The following CSMD1 variants were observed in gnomAD, a reference collection of about 807,000 sequenced individuals.
The protein encoded by CSMD1 is CUB and Sushi multiple domains 1.
In CSMD1, 213 loss-of-function variants were observed where a neutral mutation model predicts 417.5. The ratio of observed to expected loss-of-function variants is 0.51; its 90% confidence interval spans 0.46 to 0.57. The LOEUF (loss-of-function observed/expected upper bound fraction) is 0.57. Ranked by LOEUF, CSMD1 falls within the 20% of genes least tolerant of loss-of-function variation. The probability of loss-of-function intolerance (pLI) is 0.00; values close to 1 mark genes in which losing one functional copy is unlikely to be tolerated. For missense variants in CSMD1, 6,923 were observed against 4,529.7 expected (o/e 1.53, Z -15.17); for synonymous variants, 2,862 against 1,736.8 (o/e 1.65, Z -16.11).
intron 2 of CSMD1, among the ~76,000 whole-genome samples, chr8:4,455,573 G>A (rs529425643): frequency 1.3e-5 from 2 of 152,168 alleles, no homozygotes; most frequent in East Asian, 3.9e-4. Flanking sequence ...CTGCTTGTGA[G>A]ATCAAATTGA....
intron 11 of CSMD1, among the ~76,000 whole-genome samples, chr8:3,488,086 G>GTATATTATTAT (rs1554440152): frequency 4.0e-5 from 6 of 148,234 alleles, no homozygotes; most frequent in African/African-American, 1.5e-4. Flanking sequence ...GAAACTCATA[G>GTATATTATTAT]TATTATTATT....
intron 2 of CSMD1, among the ~76,000 whole-genome samples, chr8:4,449,350 C>T (rs1480210588): frequency 6.6e-6 from 1 of 152,158 alleles, no homozygotes; most frequent in Admixed American, 6.5e-5. Flanking sequence ...AAGCCTCCCC[C>T]TCTCTTTTTT....
intron 7 of CSMD1, among the ~76,000 whole-genome samples, chr8:3,688,402 T>C (rs565487486): frequency 1.3e-5 from 2 of 152,312 alleles, no homozygotes; most frequent in South Asian, 4.1e-4. Context: ...CAGAGGTGCT[T>C]TGAATTTAGA....
At chr8:4,918,725 A>G (rs1243017821) in intron 1 of CSMD1, among the ~76,000 whole-genome samples, 2 of 152,172 alleles carry the variant, frequency 1.3e-5, no homozygotes, top group Non-Finnish European at 2.9e-5. Context: ...TTCACCAAGA[A>G]CTTTCCAGTA....
At chr8:4,104,993 A>T (rs955718206) in intron 3 of CSMD1, among the ~76,000 whole-genome samples, 7 of 37,624 alleles carry the variant, frequency 1.9e-4, no homozygotes, top group African/African-American at 4.7e-4. Flanking sequence ...GTTTCACATT[A>T]AAAAAAAAGC....
chr8:4,914,628 C>T lies in CSMD1; in HGVS notation c.85+79704G>A, dbSNP rs73507959. Among the ~76,000 whole-genome samples, 440 of 151,310 alleles carry T rather than the reference C, an allele frequency of 2.9e-3. 3 individuals are homozygous for T. Among genetic ancestry groups the T allele is most frequent in the African/African-American group, 0.01 (421 of 41,230 alleles). On this transcript the variant is annotated intron_variant, in intron 1 of 69. Transcript: ENST00000635120. ...ATAGAAGATAGAAATATAACGGTCG[C>T]CTTTAACTTCTGCAAGTTTTGTAGC...
In CSMD1 at chr8:3,137,099, T is replaced by TGG. The variant is rs1280641894; in HGVS notation, c.6241+5364_6241+5365dup. On this transcript the variant is annotated intron_variant, in intron 41 of 69. Coordinates refer to ENST00000635120, the MANE Select transcript of CSMD1 (RefSeq NM_033225.6). The stretch of plus-strand genomic sequence containing the variant: ...ATCTCCAGCCTTTATCATTTCTTTG[T>TGG]GGGGGGAATGTTCAATATCCTCCTG... Among the ~76,000 whole-genome samples, 7 of 152,252 alleles carry TGG rather than the reference T, an allele frequency of 4.6e-5. No individual in the cohort carries two copies. In the South Asian group the frequency reaches 6.2e-4, roughly 14 times the overall value.
At chr8:4,096,601 G>A (rs73173814) in intron 3 of CSMD1, among the ~76,000 whole-genome samples, 8,871 of 152,194 alleles carry the variant, frequency 0.058, 347 homozygotes, top group Middle Eastern at 0.11. Context: ...TTTGTATTGT[G>A]TAATCTGATC....
chr8:3,103,916 T>C (rs1198138352), intron 46 of CSMD1, among the ~76,000 whole-genome samples: 1 of 151,910 alleles, frequency 6.6e-6, no homozygotes, highest in African/African-American at 2.4e-5. Context: ...GCTAATTTTG[T>C]ATTTTCAGTA....
chr8:3,986,801 G>A lies in CSMD1; in HGVS notation c.818+11102C>T, dbSNP rs917151379. On this transcript the variant is annotated intron_variant, in intron 5 of 69. Transcript: ENST00000635120. ...GATGGAGTCTCACCCTGTTGCCCAG[G>A]CTGGAATGCAGTGATGCGATCTCGG... 3.3e-5 allele frequency among the ~76,000 whole-genome samples: 5 copies of A among 151,934 alleles called. No homozygotes were observed. In the South Asian group the frequency reaches 1.0e-3, roughly 32 times the overall value.
intron 3 of CSMD1, among the ~76,000 whole-genome samples, chr8:4,234,284 A>G (rs1585069442): frequency 6.6e-6 from 1 of 152,192 alleles, no homozygotes. Flanking sequence ...GAAGTGATCT[A>G]TGGGACCCAT....
intron 7 of CSMD1, among the ~76,000 whole-genome samples, chr8:3,685,628 C>T (rs1490283122): frequency 6.6e-6 from 1 of 152,120 alleles, no homozygotes; most frequent in Admixed American, 6.5e-5. Context: ...AGTTTCATTT[C>T]TTTGAGACTG....
intron 54 of CSMD1, among the ~76,000 whole-genome samples, chr8:2,989,812 G>C (rs1442248503): frequency 6.6e-6 from 1 of 152,208 alleles, no homozygotes; most frequent in African/African-American, 2.4e-5. Context: ...CATTCTGCAA[G>C]AACAAGTTTT....
At chr8:4,124,019 CT>C (rs905792907) in intron 3 of CSMD1, among the ~76,000 whole-genome samples, 195 of 150,682 alleles carry the variant, frequency 1.3e-3, no homozygotes, top group Middle Eastern at 0.01. Flanking sequence ...GATTATCTAA[CT>C]TTTTTTTTTC....
intron 10 of CSMD1, among the ~76,000 whole-genome samples, chr8:3,526,357 G>C (rs1178537422): frequency 1.3e-5 from 2 of 151,986 alleles, no homozygotes; most frequent in Non-Finnish European, 2.9e-5. Context: ...AATCCCTTTG[G>C]TGTGAGTTGA....
At chr8:4,164,105 G>C (rs116590233) in intron 3 of CSMD1, among the ~76,000 whole-genome samples, 25 of 127,718 alleles carry the variant, frequency 2.0e-4, no homozygotes, top group African/African-American at 6.7e-4. Flanking sequence ...TGTTTTTAAA[G>C]AATACTTTTA....
intron 49 of CSMD1, among the ~76,000 whole-genome samples, chr8:3,060,979 G>T (rs1415548509): frequency 1.3e-5 from 2 of 152,162 alleles, no homozygotes; most frequent in Non-Finnish European, 2.9e-5. Flanking sequence ...GTGAACAATG[G>T]TGTGAAACCA....
chr8:2,979,341 C>G (rs1233268174), intron 54 of CSMD1, among the ~76,000 whole-genome samples: 1 of 152,244 alleles, frequency 6.6e-6, no homozygotes, highest in Non-Finnish European at 1.5e-5. Context: ...CAGCCTCTGA[C>G]TTAGGCCTCT....
At chr8:4,045,604 C>G (rs1408669206) in intron 3 of CSMD1, among the ~76,000 whole-genome samples, 1 of 152,136 alleles carries the variant, frequency 6.6e-6, no homozygotes, top group Admixed American at 6.5e-5. Flanking sequence ...AAGAATGTTC[C>G]TGCTATTAGC....
Sources: gnomAD v4.1 joint callset for allele counts (sites outside exome capture counted in the v4.1 genomes callset) on GRCh38, gnomAD v4.1.1 for gene constraint, MANE v1.5 for transcripts, NCBI Gene and HGNC (gene_info 2026-07-23, HGNC 2026-07-21) for gene names.